PBRM1: variants seen among roughly 807,000 people sequenced by gnomAD.
PBRM1 encodes protein polybromo-1.
A neutral mutation model predicts 194.5 loss-of-function variants in PBRM1; 27 were observed. The ratio of observed to expected loss-of-function variants is 0.14; its 90% CI spans 0.10 to 0.19. The LOEUF (loss-of-function observed/expected upper bound fraction) is 0.19. Ranked by LOEUF, PBRM1 falls within the 10% of genes least tolerant of loss-of-function variation. The pLI, the probability that PBRM1 is intolerant of heterozygous loss-of-function variation, is 1.00. For missense variants in PBRM1, 1,466 were observed against 2,077.2 expected (o/e 0.71, Z 5.72); for synonymous variants, 655 against 693.2 (o/e 0.94, Z 0.87).
intron 18 of PBRM1, among the ~76,000 whole-genome samples, chr3:52,587,863 C>T (rs958056616): frequency 2.0e-5 from 3 of 151,832 alleles, no homozygotes; most frequent in Non-Finnish European, 2.9e-5. Context: ...TGTAATGAGG[C>T]CTAAAAAATG....
At chr3:52,658,205 A>G (rs774125687) in exon 5 of PBRM1, 3 of 1,527,486 alleles carry the variant, frequency 2.0e-6, no homozygotes, top group Non-Finnish European at 2.7e-6. Flanking sequence ...TTACCACTTT[A>G]GAAGGCAGTT....
chr3:52,641,806 G>A, intron 10 of PBRM1, 148 bp downstream of exon 11: 1 of 718,780 alleles, frequency 1.4e-6, no homozygotes, highest in South Asian at 1.5e-5. Flanking sequence ...CTTTTGATAG[G>A]TCTGACTACC....
intron 17 of PBRM1, among the ~76,000 whole-genome samples, chr3:52,593,265 T>C (rs1179379409): frequency 6.6e-6 from 1 of 152,190 alleles, no homozygotes; most frequent in Admixed American, 6.5e-5. Context: ...CTTTCTTTTT[T>C]TTTTTAAACA....
At chr3:52,670,086 T>G (rs770284444) in intron 2 of PBRM1, among the ~76,000 whole-genome samples, 7 of 152,218 alleles carry the variant, frequency 4.6e-5, no homozygotes, top group Non-Finnish European at 1.0e-4. Context: ...TGCTCCTTGC[T>G]GAGGCAGGAC....
chr3:52,553,921 C>T (rs1164218480), intron 27 of PBRM1, among the ~76,000 whole-genome samples: 1 of 152,114 alleles, frequency 6.6e-6, no homozygotes, highest in Non-Finnish European at 1.5e-5. Flanking sequence ...CTCGGCCTCC[C>T]AAAGTGCTGG....
Position 52,571,856 on chromosome 3 carries a change from C to CAAAAAAAAAAAAAAAAAAAAAA in PBRM1, c.3691+4663_3691+4684dup, listed in dbSNP as rs58430288. On this transcript the variant is annotated intron_variant, in intron 22 of 29. Coordinates refer to ENST00000296302, the Ensembl canonical transcript of PBRM1. ...GAGCAAGAGGGATACCTCATCTCCC[C>CAAAAAAAAAAAAAAAAAAAAAA]AAAAAAAAAAAAAAAAAAAAAAAAA... Among the ~76,000 whole-genome samples the CAAAAAAAAAAAAAAAAAAAAAA allele has an allele frequency of 1.9e-4, 7 of 37,088 alleles. 3 individuals are homozygous for CAAAAAAAAAAAAAAAAAAAAAA. The highest frequency in any genetic ancestry group is 5.7e-4 in the African/African-American group (5 of 8,720). 24.3% of individuals were successfully genotyped at this position (37,088 alleles called of 152,430 possible).
intron 17 of PBRM1, among the ~76,000 whole-genome samples, chr3:52,595,647 T>A (rs1474268865): frequency 6.6e-6 from 1 of 152,226 alleles, no homozygotes; most frequent in Non-Finnish European, 1.5e-5. Flanking sequence ...CTTTGTTTCC[T>A]CTGCTGTGCA....
intron 17 of PBRM1, among the ~76,000 whole-genome samples, chr3:52,599,787 G>A (rs966053628): frequency 4.0e-5 from 6 of 150,834 alleles, no homozygotes; most frequent in East Asian, 1.9e-4. Flanking sequence ...CTGAGATCAC[G>A]CCACTGCACT....
intron 9 of PBRM1, among the ~76,000 whole-genome samples, chr3:52,642,451 C>T (rs1450951062): frequency 6.6e-6 from 1 of 151,838 alleles, no homozygotes; most frequent in Non-Finnish European, 1.5e-5. Context: ...CCCATCTCTA[C>T]TAAAAATACA....
intron 16 of PBRM1, among the ~76,000 whole-genome samples, chr3:52,607,000 G>C (rs574595581): frequency 6.6e-6 from 1 of 152,258 alleles, no homozygotes; most frequent in Admixed American, 6.5e-5. Flanking sequence ...TAGCAGTGGT[G>C]GGTAGGGGTA....
At chr3:52,626,703 C>T (rs1577015781) in intron 13 of PBRM1, among the ~76,000 whole-genome samples, 1 of 151,802 alleles carries the variant, frequency 6.6e-6, no homozygotes, top group African/African-American at 2.4e-5. Flanking sequence ...GAAGGAGAAA[C>T]GGTTAGGGAA....
At position 52,561,915 on chromosome 3, in the gene PBRM1, T is replaced by C; in HGVS notation, c.4140A>G (p.Lys1380=). 3 of 1,614,164 alleles carry C rather than the reference T, an allele frequency of 1.9e-6. No homozygotes were observed. The South Asian group carries it at 3.3e-5, about 18-fold the overall frequency. ...ACAGGATGTAGCCACTCATGTTGAT[T>C]TTCCGTTTGGAGCCTTCCTTCTTTG... is the stretch of plus-strand genomic sequence containing the variant. Residue 1380 remains lysine (K), a synonymous_variant, in exon 25 of 30, where the codon AAA becomes AAG. Coordinates refer to ENST00000296302, the Ensembl canonical transcript of PBRM1.
upstream of PBRM1, among the ~76,000 whole-genome samples, chr3:52,683,209 A>AT (rs1446298792): frequency 4.2e-5 from 5 of 120,250 alleles, no homozygotes; most frequent in African/African-American, 8.8e-5. Flanking sequence ...TCTCAAAAAA[A>AT]TAATAAAAAA....
At chr3:52,622,605 T>C in intron 13 of PBRM1, among the ~76,000 whole-genome samples, 1 of 152,206 alleles carries the variant, frequency 6.6e-6, no homozygotes, top group East Asian at 1.9e-4. Flanking sequence ...TGATGGCAAA[T>C]GTGATTTTCC....
At chr3:52,632,583 T>C (rs1386990434) in intron 11 of PBRM1, among the ~76,000 whole-genome samples, 2 of 151,892 alleles carry the variant, frequency 1.3e-5, no homozygotes, top group African/African-American at 4.8e-5. Flanking sequence ...AAAAAGCAAA[T>C]TTGATATTGG....
At chr3:52,672,531 G>A (rs1288472139) in intron 2 of PBRM1, among the ~76,000 whole-genome samples, 1 of 77,100 alleles carries the variant, frequency 1.3e-5, no homozygotes, top group Non-Finnish European at 2.3e-5. Flanking sequence ...TTTCACTCTT[G>A]TTGCCCAGGC....
At chr3:52,573,184 C>T (rs2088031553) in intron 22 of PBRM1, among the ~76,000 whole-genome samples, 4 of 152,202 alleles carry the variant, frequency 2.6e-5, no homozygotes, top group Admixed American at 2.6e-4. Context: ...CTTCACCTTT[C>T]TGACAATATC....
Position 52,572,032 on chromosome 3 carries a change from T to C in PBRM1, c.3691+4509A>G, listed in dbSNP as rs921647037. 5.9e-5 allele frequency among the ~76,000 whole-genome samples: 9 copies of C among 151,820 alleles called. No individual in the cohort carries two copies. The East Asian group carries it at 1.7e-3, about 29-fold the overall frequency. On this transcript the variant is annotated intron_variant, in intron 22 of 29. Transcript: ENST00000296302. ...CAGTTTGGATAACAAAGCGAGATCT[T>C]GTCTCAAACAAAACAAAAAAAACTT...
chr3:52,594,983 T>C (rs2093421355), intron 17 of PBRM1, among the ~76,000 whole-genome samples: 1 of 152,188 alleles, frequency 6.6e-6, no homozygotes, highest in Admixed American at 6.5e-5. Context: ...CCTGTCATTT[T>C]TTTCTTTCAT....
Sources: gnomAD v4.1 joint callset for allele counts (sites outside exome capture counted in the v4.1 genomes callset) on GRCh38, gnomAD v4.1.1 for gene constraint, MANE v1.5 for transcripts, NCBI Gene and HGNC (gene_info 2026-07-23, HGNC 2026-07-21) for gene names.